The following KCNK5 variants were observed in gnomAD, a reference collection of about 807,000 sequenced individuals.
The protein encoded by KCNK5 is potassium two pore domain channel subfamily K member 5, also known as potassium channel subfamily K member 5.
A neutral mutation model predicts 32.9 loss-of-function variants in KCNK5; 18 were observed. The ratio of observed to expected loss-of-function variants is 0.55; its 90% CI spans 0.38 to 0.81. The LOEUF (loss-of-function observed/expected upper bound fraction) is 0.81. Among genes scored for constraint, KCNK5 ranks in the 30% least tolerant of loss-of-function variants. The pLI, the probability that KCNK5 is intolerant of heterozygous loss-of-function variation, is 0.00. For missense variants in KCNK5, 507 were observed against 651.0 expected (o/e 0.78, Z 2.41); for synonymous variants, 276 against 275.3 (o/e 1.00, Z -0.03).
At chr6:39,199,359 C>A (rs1771088198) in intron 1 of KCNK5, among the ~76,000 whole-genome samples, 1 of 152,234 alleles carries the variant, frequency 6.6e-6, no homozygotes, top group Non-Finnish European at 1.5e-5. Flanking sequence ...TTCTACCCTT[C>A]ACCCCACTGA....
At chr6:39,203,375 G>C in intron 1 of KCNK5, among the ~76,000 whole-genome samples, 1 of 152,244 alleles carries the variant, frequency 6.6e-6, no homozygotes, top group Non-Finnish European at 1.5e-5. Flanking sequence ...GCAAGCCCAA[G>C]ATGCCTCACC....
At chr6:39,193,167 A>AC (rs879264542) in intron 4 of KCNK5, among the ~76,000 whole-genome samples, 2,971 of 152,346 alleles carry the variant, frequency 0.02, 39 homozygotes, top group South Asian at 0.034. Context: ...AAGTATGGCT[A>AC]AGTGTACATC....
At chr6:39,225,779 G>A (rs543590651) in intron 1 of KCNK5, among the ~76,000 whole-genome samples, 3 of 152,330 alleles carry the variant, frequency 2.0e-5, no homozygotes, top group South Asian at 4.1e-4. Flanking sequence ...GGAGGTGCAA[G>A]CTCCTGGGGC....
In KCNK5 at chr6:39,194,386, C is replaced by T; in HGVS notation, c.466-49G>A. The T allele has an allele frequency of 6.4e-7, 1 of 1,554,242 alleles. No individual in the cohort carries two copies. On this transcript the variant is annotated intron_variant, in intron 3 of 4. Coordinates refer to ENST00000359534, the MANE Select transcript of KCNK5 (RefSeq NM_003740.4). This position sits in a 1 kb window ranked among gnomAD's most constrained non-coding sequence, Gnocchi z 4.7. ...TCAGAGAATAGTGGAGACTTGGAAA[C>T]CCAGCAAAGGCACCCAGAGGGCCAG...
intron 1 of KCNK5, among the ~76,000 whole-genome samples, chr6:39,216,925 C>A (rs1238007264): frequency 6.6e-6 from 1 of 151,838 alleles, no homozygotes; most frequent in Non-Finnish European, 1.5e-5. Context: ...AGTTCGAGAA[C>A]CGCCTGACCA....
chr6:39,217,751 C>T (rs1771467337), intron 1 of KCNK5, among the ~76,000 whole-genome samples: 2 of 152,160 alleles, frequency 1.3e-5, no homozygotes, highest in African/African-American at 4.8e-5. Context: ...GAGAAACCAG[C>T]CAACAGCTCC....
intron 1 of KCNK5, among the ~76,000 whole-genome samples, chr6:39,221,743 T>G (rs1771555709): frequency 6.6e-6 from 1 of 152,190 alleles, no homozygotes. Flanking sequence ...GTGTTTTGTT[T>G]GGAGCCAGGT....
chr6:39,199,805 T>C (rs1771103799), intron 1 of KCNK5, among the ~76,000 whole-genome samples: 1 of 152,158 alleles, frequency 6.6e-6, no homozygotes. Flanking sequence ...GCTGTGCTAG[T>C]GCTGCTGTAT....
intron 1 of KCNK5, among the ~76,000 whole-genome samples, chr6:39,207,212 C>T (rs9471001): frequency 5.3e-5 from 8 of 152,140 alleles, no homozygotes; most frequent in Non-Finnish European, 8.8e-5. Flanking sequence ...ATTAAGCCTC[C>T]GTCCCGCTCC....
In KCNK5 at chr6:39,190,880, C is replaced by T. The variant is rs750184368; in HGVS notation, c.*10G>A. On this transcript the variant is annotated 3_prime_UTR_variant, in exon 5 of 5. Coordinates refer to ENST00000359534, the MANE Select transcript of KCNK5 (RefSeq NM_003740.4). ...GGCCATCAAAGGTGGGGTGGGGAGC[C>T]GGCCCTGCCTCATGTGCCCTTGGGG... The T allele has an allele frequency of 1.9e-5, 28 of 1,458,890 alleles. No homozygotes were observed. Among genetic ancestry groups the T allele is most frequent in the African/African-American group, 1.6e-4 (11 of 70,130 alleles). The allele number at this position is 1,458,890 out of a possible 1,614,324, so 90.4% of individuals were successfully genotyped here.
At chr6:39,223,633 G>A (rs1192680346) in intron 1 of KCNK5, among the ~76,000 whole-genome samples, 1 of 152,092 alleles carries the variant, frequency 6.6e-6, no homozygotes, top group East Asian at 1.9e-4. Flanking sequence ...GACTGTCTTG[G>A]AGGCTCCACT....
At chr6:39,224,277 A>G (rs1771611038) in intron 1 of KCNK5, among the ~76,000 whole-genome samples, 1 of 152,224 alleles carries the variant, frequency 6.6e-6, no homozygotes, top group South Asian at 2.1e-4. Context: ...CATAACCAAA[A>G]GAGCTATTGT....
At chr6:39,200,131 G>A (rs963195046) in intron 1 of KCNK5, among the ~76,000 whole-genome samples, 8 of 152,358 alleles carry the variant, frequency 5.3e-5, no homozygotes, top group Admixed American at 2.0e-4. Flanking sequence ...CAGACAAGGC[G>A]TCCCGTCCTC....
In KCNK5 at chr6:39,194,103, C is replaced by T. The variant is rs1770986348; in HGVS notation, c.634+66G>A. The T allele has an allele frequency of 3.8e-6, 6 of 1,578,100 alleles. No homozygotes were observed. The highest frequency in any genetic ancestry group is 1.7e-5 in the Admixed American group (1 of 59,790). On this transcript the variant is annotated intron_variant, in intron 4 of 4. Coordinates refer to ENST00000359534, the MANE Select transcript of KCNK5 (RefSeq NM_003740.4). The surrounding 1 kb of genome is among the most constrained non-coding windows in gnomAD (Gnocchi z 4.7). ...GGAACCCTACCTAGGGCACCCCCAA[C>T]ATAGGTCTGTTGCACTGAAACCAAA...
chr6:39,199,246 A>T (rs1379221219), intron 1 of KCNK5, among the ~76,000 whole-genome samples: 1 of 152,236 alleles, frequency 6.6e-6, no homozygotes, highest in Non-Finnish European at 1.5e-5. Context: ...TTTGGGAATC[A>T]TTTAGTAAGT....
rs1226656452 is a variant in KCNK5 at position 39,229,083 on chromosome 6, G to A, written c.29C>T (p.Ser10Leu). MVDRGPLLT[S>L]AIIFYLAIGA... ...GATGGCCAGGTAGAAGATGATGGCCGAGGTGAGCAGAGGGCCCCGGTCCAC... is the reference window on the plus strand; with the variant it reads ...GATGGCCAGGTAGAAGATGATGGCCAAGGTGAGCAGAGGGCCCCGGTCCAC... Residue 10 changes from serine (S) to leucine (L), a missense_variant, in exon 1 of 5, where the codon TCG becomes TTG. By Grantham distance (145) the Ser-to-Leu change is moderately radical (BLOSUM62 -2). Around this residue, in one of 6 missense-constraint regions of KCNK5, gnomAD observed 143 missense variants for 219.1 expected, o/e 0.65. Transcript: ENST00000359534. 1 of 1,614,128 alleles carries A rather than the reference G, an allele frequency of 6.2e-7. No homozygotes were observed.
intron 4 of KCNK5, among the ~76,000 whole-genome samples, chr6:39,192,525 C>T (rs576171609): frequency 6.6e-6 from 1 of 152,188 alleles, no homozygotes; most frequent in African/African-American, 2.4e-5. Flanking sequence ...TGGGGCTAGA[C>T]TCACACTGGT....
At chr6:39,223,145 T>C (rs1480569876) in intron 1 of KCNK5, among the ~76,000 whole-genome samples, 2 of 152,206 alleles carry the variant, frequency 1.3e-5, no homozygotes, top group African/African-American at 4.8e-5. Context: ...ACCGCTCCAT[T>C]GCAGCATAGG....
Position 39,229,115 on chromosome 6 carries a change from T to C in KCNK5, c.-4A>G. ...GCAGAGGGCCCCGGTCCACCATGGC[T>C]CCCGAGCGGCCGCCTCCTAGAGAAA... On this transcript the variant is annotated 5_prime_UTR_variant, in exon 1 of 5. Transcript: ENST00000359534. 6.2e-7 allele frequency: 1 copy of C among 1,613,500 alleles called. No individual in the cohort carries two copies. The highest frequency in any genetic ancestry group is 1.3e-5 in the African/African-American group (1 of 74,998).
Sources: allele counts gnomAD v4.1 joint callset (sites outside exome capture counted in the v4.1 genomes callset), GRCh38; gene constraint gnomAD v4.1.1; regional missense constraint gnomAD v4.1.1; non-coding constraint Gnocchi (gnomAD v3.1); transcripts MANE v1.5; gene names NCBI Gene and HGNC (gene_info 2026-07-23, HGNC 2026-07-21).